Variants in AGBL4 observed in about 807,000 individuals in gnomAD.
The protein encoded by AGBL4 is cytosolic carboxypeptidase 6.
A neutral mutation model predicts 66.4 loss-of-function variants in AGBL4; 58 were observed. The observed-to-expected ratio is 0.87, with a 90% CI of 0.71 to 1.09. The LOEUF (loss-of-function observed/expected upper bound fraction) is 1.09. Among genes scored for constraint, AGBL4 ranks in the 50% least tolerant of loss-of-function variants. The pLI, the probability that AGBL4 is intolerant of heterozygous loss-of-function variation, is 0.00. For synonymous variants in AGBL4, 234 were observed against 222.9 expected, an observed-to-expected ratio of 1.05 and a Z score of -0.44; for missense variants, 579 against 631.0, an observed-to-expected ratio of 0.92 and a Z score of 0.88.
intron 3 of AGBL4, among the ~76,000 whole-genome samples, chr1:49,484,828 T>C (rs1008158548): frequency 2.0e-5 from 3 of 152,142 alleles, no homozygotes; most frequent in Middle Eastern, 3.4e-3. Flanking sequence ...TTGTTACACA[T>C]TGCAGGCCAG....
chr1:48,536,441 T>C (rs1439783682), intron 12 of AGBL4, among the ~76,000 whole-genome samples: 2 of 152,210 alleles, frequency 1.3e-5, no homozygotes, highest in East Asian at 3.9e-4. Flanking sequence ...TAGAAGGTTT[T>C]TGAGAGAAGG....
chr1:49,552,587 G>A (rs923939733), intron 3 of AGBL4, among the ~76,000 whole-genome samples: 1 of 152,226 alleles, frequency 6.6e-6, no homozygotes, highest in African/African-American at 2.4e-5. Flanking sequence ...TCCAGTGGGA[G>A]TGTGTCCTTG....
intron 5 of AGBL4, among the ~76,000 whole-genome samples, chr1:48,945,898 A>T (rs1450368059): frequency 6.6e-6 from 1 of 152,208 alleles, no homozygotes; most frequent in Non-Finnish European, 1.5e-5. Context: ...AAAAATGGGC[A>T]TTATGAGAAT....
chr1:49,893,840 C>T (rs1366924185), intron 1 of AGBL4, among the ~76,000 whole-genome samples: 1 of 152,196 alleles, frequency 6.6e-6, no homozygotes, highest in Non-Finnish European at 1.5e-5. Flanking sequence ...GTTTCACAAA[C>T]TGCTGATTAT....
At chr1:49,619,674 C>CT (rs900008320) in intron 3 of AGBL4, among the ~76,000 whole-genome samples, 3 of 151,830 alleles carry the variant, frequency 2.0e-5, no homozygotes, top group African/African-American at 7.3e-5. Flanking sequence ...CAATCCTAAG[C>CT]TAAAAAAAAC....
chr1:48,805,870 G>C (rs1645912184), intron 6 of AGBL4, among the ~76,000 whole-genome samples: 2 of 152,154 alleles, frequency 1.3e-5, no homozygotes, highest in Admixed American at 1.3e-4. Flanking sequence ...TATTCTCTAA[G>C]GGCTGTTTAG....
intron 5 of AGBL4, among the ~76,000 whole-genome samples, chr1:48,884,873 C>T (rs1426565519): frequency 6.6e-6 from 1 of 150,874 alleles, no homozygotes; most frequent in Non-Finnish European, 1.5e-5. Flanking sequence ...GAAAGAGCCC[C>T]TCATGCTGAG....
At chr1:49,133,269 C>T (rs182542015) in intron 4 of AGBL4, among the ~76,000 whole-genome samples, 21 of 152,040 alleles carry the variant, frequency 1.4e-4, no homozygotes, top group Admixed American at 2.0e-4. Context: ...GGAGAGCATT[C>T]GGACAAATAC....
At chr1:49,372,998 ATCCTCCTG>A (rs1644398123) in intron 3 of AGBL4, among the ~76,000 whole-genome samples, 2 of 152,048 alleles carry the variant, frequency 1.3e-5, no homozygotes, top group East Asian at 3.9e-4. Flanking sequence ...GGCTCAAGTG[ATCCTCCTG>A]GGTCACCTTC....
At chr1:49,865,468 G>C (rs1248262544) in intron 1 of AGBL4, among the ~76,000 whole-genome samples, 3 of 152,246 alleles carry the variant, frequency 2.0e-5, no homozygotes, top group South Asian at 2.1e-4. Context: ...CAGGCAAATA[G>C]AGTCTGGAGC....
chr1:49,780,507 T>C (rs1262385867), intron 2 of AGBL4, among the ~76,000 whole-genome samples: 1 of 152,080 alleles, frequency 6.6e-6, no homozygotes. Context: ...TTAAAATACA[T>C]AGAATTACAT....
chr1:49,289,015 CAG>C (rs918685888), intron 3 of AGBL4, among the ~76,000 whole-genome samples: 48 of 149,626 alleles, frequency 3.2e-4, no homozygotes, highest in Admixed American at 4.0e-4. Flanking sequence ...CACACACACA[CAG>C]AGAGAGAGAG....
chr1:49,308,663 T>G (rs910825566), intron 3 of AGBL4, among the ~76,000 whole-genome samples: 1 of 152,192 alleles, frequency 6.6e-6, no homozygotes, highest in Non-Finnish European at 1.5e-5. Flanking sequence ...TTCTAACATT[T>G]ATATTTAAAG....
At chr1:49,627,964 A>G (rs1645496493) in intron 3 of AGBL4, among the ~76,000 whole-genome samples, 1 of 152,184 alleles carries the variant, frequency 6.6e-6, no homozygotes, top group Non-Finnish European at 1.5e-5. Context: ...AATCCCAGAT[A>G]TCCAATCGCA....
At chr1:49,215,975 C>T (rs1379527923) in intron 4 of AGBL4, among the ~76,000 whole-genome samples, 1 of 152,070 alleles carries the variant, frequency 6.6e-6, no homozygotes, top group East Asian at 1.9e-4. Flanking sequence ...CTAGTAGATA[C>T]AGTATAAAAC....
chr1:49,596,272 A>G (rs1288960270), intron 3 of AGBL4, among the ~76,000 whole-genome samples: 2 of 152,118 alleles, frequency 1.3e-5, no homozygotes, highest in Admixed American at 6.6e-5. Context: ...GGTTCAAGCA[A>G]TTCTCACGAT....
At chr1:49,572,673 A>G (rs1237056146) in intron 3 of AGBL4, among the ~76,000 whole-genome samples, 1 of 152,110 alleles carries the variant, frequency 6.6e-6, no homozygotes, top group Admixed American at 6.6e-5. Context: ...AGTTGTTTGT[A>G]TTTCTGTGCA....
chr1:48,578,561 C>T (rs1163061006), intron 11 of AGBL4, among the ~76,000 whole-genome samples: 1 of 152,190 alleles, frequency 6.6e-6, no homozygotes, highest in Non-Finnish European at 1.5e-5. Flanking sequence ...AACTTGACTG[C>T]TTCCTACTCT....
chr1:49,734,540 T>C (rs1411515746), intron 2 of AGBL4, among the ~76,000 whole-genome samples: 1 of 152,068 alleles, frequency 6.6e-6, no homozygotes, highest in African/African-American at 2.4e-5. Flanking sequence ...AAAAATTCAA[T>C]TCATAACAGT....
Sources: allele counts gnomAD v4.1 joint callset (sites outside exome capture counted in the v4.1 genomes callset), GRCh38; gene constraint gnomAD v4.1.1; transcripts MANE v1.5; gene names NCBI Gene and HGNC (gene_info 2026-07-23, HGNC 2026-07-21).